The following PDE5A variants were observed in gnomAD, a reference collection of about 807,000 sequenced individuals.
PDE5A encodes the protein cGMP-specific 3',5'-cyclic phosphodiesterase.
Under a neutral mutation model 110.2 loss-of-function variants are expected in PDE5A, and 67 were observed. The observed-to-expected ratio is 0.61, with a 90% confidence interval of 0.50 to 0.75. The LOEUF (loss-of-function observed/expected upper bound fraction) is 0.75. Ranked by LOEUF, PDE5A falls within the 30% of genes least tolerant of loss-of-function variation. PDE5A has a pLI of 0.00. For synonymous variants in PDE5A, 328 were observed against 351.2 expected (o/e 0.93, Z 0.74); for missense variants, 862 against 1,045.1 (o/e 0.82, Z 2.42).
chr4:119,505,042 A>G (rs1239312046), intron 17 of PDE5A, among the ~76,000 whole-genome samples: 1 of 152,066 alleles, frequency 6.6e-6, no homozygotes, highest in African/African-American at 2.4e-5. Flanking sequence ...TAATTCACTC[A>G]ACACACATGG....
At chr4:119,559,520 C>G (rs1479721873) in intron 7 of PDE5A, among the ~76,000 whole-genome samples, 1 of 152,014 alleles carries the variant, frequency 6.6e-6, no homozygotes, top group Admixed American at 6.6e-5. Context: ...ATTATTTATG[C>G]AAGCCAAAAA....
At position 119,562,880 on chromosome 4, in the gene PDE5A, T is replaced by A; in HGVS notation, c.1084A>T (p.Met362Leu). ...KKIAATIISF[M>L]QVQKCTIFIV... ...AAAATGGTGCATTTCTGCACTTGCA[T>A]GAAAGAGATAATAGTGGCAGCTATT... The change falls in exon 6 of 21, where the codon ATG (methionine) becomes TTG (leucine). Residue 362 changes from methionine to leucine, a missense_variant. Transcript: ENST00000354960. 1 of 1,597,510 alleles carries A rather than the reference T, an allele frequency of 6.3e-7. No homozygotes were observed. Among genetic ancestry groups the A allele is most frequent in the South Asian group, 1.1e-5 (1 of 87,874 alleles).
chr4:119,590,781 T>G (rs1235648129), intron 3 of PDE5A, among the ~76,000 whole-genome samples: 2 of 152,226 alleles, frequency 1.3e-5, no homozygotes, highest in Non-Finnish European at 2.9e-5. Flanking sequence ...TCTTCCTGCA[T>G]TTTCCGGCCT....
At position 119,495,191 on chromosome 4, in the gene PDE5A, C is replaced by T. The variant is rs1275273015; in HGVS notation, c.*3410G>A. 6.6e-6 allele frequency: 1 copy of T among 152,102 alleles called. No homozygotes were observed. Among genetic ancestry groups the T allele is most frequent in the African/African-American group, 2.4e-5 (1 of 41,416 alleles). The allele number at this position is 152,102 out of a possible 1,614,324, so 9.4% of individuals were successfully genotyped here. A position where few individuals can be genotyped will look rare whatever the true frequency, so the allele number is the denominator to read the frequency against. ...TGATGCAGTATACCCCATGTTCTCA[C>T]ATTAAATTGGCAGTATCAGAAGCTA... On this transcript the variant is annotated 3_prime_UTR_variant, in exon 21 of 21. Transcript: ENST00000354960.
At chr4:119,533,300 A>G (rs186499725) in intron 11 of PDE5A, among the ~76,000 whole-genome samples, 6 of 152,260 alleles carry the variant, frequency 3.9e-5, no homozygotes, top group Non-Finnish European at 8.8e-5. Context: ...ACCTCACAGG[A>G]TACTTCTTAA....
At chr4:119,524,643 C>A (rs1360448455) in intron 12 of PDE5A, among the ~76,000 whole-genome samples, 2 of 152,106 alleles carry the variant, frequency 1.3e-5, no homozygotes, top group East Asian at 3.9e-4. Context: ...GTGCCCCTGG[C>A]AGAGTCCTGA....
chr4:119,607,064 T>A lies in PDE5A; in HGVS notation c.386A>T (p.Glu129Val). Residue 129 changes from glutamate (E) to valine (V), a missense_variant, in exon 2 of 21, where the codon GAA becomes GTA. Glu to Val is a moderately radical substitution (Grantham distance 121). Transcript: ENST00000354960. ...GGTTAGAGGCATCTGTTCCTTCTTT[T>A]CTGAGTCAGAGAGGAAGCTCACAGT... is the stretch of plus-strand genomic sequence containing the variant. ...EGTVSFLSDS[E>V]KKEQMPLTPP... The A allele has an allele frequency of 1.2e-6, 2 of 1,614,214 alleles. No individual in the cohort carries two copies. Among genetic ancestry groups the A allele is most frequent in the Non-Finnish European group, 1.7e-6 (2 of 1,180,030 alleles).
intron 2 of PDE5A, among the ~76,000 whole-genome samples, chr4:119,602,875 T>C (rs1282666531): frequency 6.6e-6 from 1 of 152,216 alleles, no homozygotes; most frequent in African/African-American, 2.4e-5. Flanking sequence ...CCTAAGACCC[T>C]CTAAGTTTTC....
At chr4:119,619,864 C>G (rs1209084927) in intron 1 of PDE5A, among the ~76,000 whole-genome samples, 1 of 152,134 alleles carries the variant, frequency 6.6e-6, no homozygotes, top group African/African-American at 2.4e-5. Flanking sequence ...AAAAGTAGGT[C>G]TGGGGTTGAA....
chr4:119,612,379 G>GTACC (rs1312619112), intron 1 of PDE5A, among the ~76,000 whole-genome samples: 13 of 152,116 alleles, frequency 8.5e-5, no homozygotes, highest in Admixed American at 6.6e-4. Context: ...AAAGTACATG[G>GTACC]TACCTCCCAC....
intron 3 of PDE5A, among the ~76,000 whole-genome samples, chr4:119,586,929 T>G (rs567833635): frequency 6.6e-6 from 1 of 152,350 alleles, no homozygotes; most frequent in African/African-American, 2.4e-5. Context: ...AAGTTTTTAT[T>G]CACTTTCTTT....
At chr4:119,575,281 A>T (rs1404388485) in intron 3 of PDE5A, among the ~76,000 whole-genome samples, 1 of 152,242 alleles carries the variant, frequency 6.6e-6, no homozygotes, top group African/African-American at 2.4e-5. Context: ...TATACAGGAG[A>T]ACTTCCCCAA....
chr4:119,541,800 C>A (rs1726938966), intron 10 of PDE5A: 1 of 152,090 alleles, frequency 6.6e-6, no homozygotes, highest in South Asian at 2.1e-4. Flanking sequence ...GTTCCTCGGT[C>A]AGTCCCTGGG....
chr4:119,519,140 C>T lies in PDE5A; in HGVS notation c.1906-1G>A. The T allele has an allele frequency of 6.2e-7, 1 of 1,610,030 alleles. No individual in the cohort carries two copies. Among genetic ancestry groups the T allele is most frequent in the Non-Finnish European group, 8.5e-7 (1 of 1,176,296 alleles). ...GTATCTCCAGGTCAGTCAGCTTGTTCTGCATGACCAAAGACATTGGAGGAA... is the reference window on the plus strand; with the variant it reads ...GTATCTCCAGGTCAGTCAGCTTGTTTTGCATGACCAAAGACATTGGAGGAA... On this transcript the variant is annotated splice_acceptor_variant, in intron 13 of 20. Coordinates refer to ENST00000354960, the MANE Select transcript of PDE5A (RefSeq NM_001083.4). LOFTEE classifies it high-confidence loss of function.
At position 119,507,711 on chromosome 4, in the gene PDE5A, A is replaced by T; in HGVS notation, c.2089-7T>A. ...CACTGAGAATCTGATTGCCCTTTAT[A>T]AAAAAAGAAAACCAGTATTAACATC... On this transcript the variant is annotated splice_polypyrimidine_tract_variant and splice_region_variant and intron_variant, in intron 15 of 20. Transcript: ENST00000354960. The T allele has an allele frequency of 3.2e-6, 5 of 1,549,160 alleles. No homozygotes were observed. Among genetic ancestry groups the T allele is most frequent in the Non-Finnish European group, 3.5e-6 (4 of 1,143,004 alleles).
chr4:119,585,818 G>A (rs1213160857), intron 3 of PDE5A, among the ~76,000 whole-genome samples: 1 of 152,140 alleles, frequency 6.6e-6, no homozygotes, highest in Non-Finnish European at 1.5e-5. Flanking sequence ...GTTATATAGA[G>A]CACTACTGCT....
intron 2 of PDE5A, among the ~76,000 whole-genome samples, chr4:119,603,696 T>A (rs1263072715): frequency 1.3e-5 from 2 of 152,256 alleles, no homozygotes; most frequent in Non-Finnish European, 2.9e-5. Flanking sequence ...GGTCATTTGT[T>A]ATAATTAACT....
chr4:119,587,754 A>G (rs1177941783), intron 3 of PDE5A, among the ~76,000 whole-genome samples: 1 of 152,242 alleles, frequency 6.6e-6, no homozygotes, highest in African/African-American at 2.4e-5. Context: ...ATCAACTGGT[A>G]GTCTGCTATT....
rs1043668846 is a variant in PDE5A, at chr4:119,525,310, T to C, written c.1779+239A>G. ...CCTTTGAACATCCTGCTCCTATTTT[T>C]AGGAACACTCTCCCTTAGTCTTCAC... On this transcript the variant is annotated intron_variant, in intron 12 of 20. Coordinates refer to ENST00000354960, the MANE Select transcript of PDE5A (RefSeq NM_001083.4). The surrounding 1 kb of genome is among the most constrained non-coding windows in gnomAD (Gnocchi z 4.3). Among the ~76,000 whole-genome samples the C allele has an allele frequency of 2.6e-5, 4 of 152,106 alleles. No individual in the cohort carries two copies. The highest frequency in any genetic ancestry group is 5.9e-5 in the Non-Finnish European group (4 of 68,018).
Sources: gnomAD v4.1 joint callset for allele counts (sites outside exome capture counted in the v4.1 genomes callset) on GRCh38, gnomAD v4.1.1 for gene constraint, Gnocchi (gnomAD v3.1) non-coding constraint, MANE v1.5 for transcripts, NCBI Gene and HGNC (gene_info 2026-07-23, HGNC 2026-07-21) for gene names.